Variants in DAPK2 observed in about 807,000 individuals in gnomAD.
DAPK2 encodes the protein death associated protein kinase 2.
Under a neutral mutation model 44.1 loss-of-function variants are expected in DAPK2, and 35 were observed. That is an observed-to-expected ratio of 0.79 (90% confidence interval 0.61 to 1.05). The LOEUF (loss-of-function observed/expected upper bound fraction) is 1.05, where lower values mean the gene tolerates loss of function less well. DAPK2 is among the 50% of genes least tolerant of loss of function. DAPK2 has a pLI of 0.00. For missense variants in DAPK2, 453 were observed against 483.2 expected (o/e 0.94, Z 0.59); for synonymous variants, 174 against 182.6 (o/e 0.95, Z 0.38).
intron 1 of DAPK2, among the ~76,000 whole-genome samples, chr15:64,031,511 G>A (rs1441390494): frequency 1.3e-5 from 2 of 152,204 alleles, no homozygotes; most frequent in African/African-American, 2.4e-5. Context: ...GGGATTACAA[G>A]CGTCAGCCAC....
chr15:63,962,929 G>C (rs1382315062), intron 3 of DAPK2, among the ~76,000 whole-genome samples: 1 of 152,230 alleles, frequency 6.6e-6, no homozygotes, highest in Non-Finnish European at 1.5e-5. Context: ...CTTTTATTCA[G>C]CTATGCCGTG....
At chr15:64,017,600 C>T (rs2079565104) in intron 1 of DAPK2, among the ~76,000 whole-genome samples, 1 of 152,248 alleles carries the variant, frequency 6.6e-6, no homozygotes, top group African/African-American at 2.4e-5. Flanking sequence ...CTTGACTCAA[C>T]TATGATGCTG....
chr15:64,022,406 G>A (rs757996378), intron 1 of DAPK2, among the ~76,000 whole-genome samples: 15 of 152,210 alleles, frequency 9.9e-5, no homozygotes, highest in Admixed American at 6.5e-5. Context: ...CCGGAATTAA[G>A]GCTTGAGCTA....
upstream of DAPK2, among the ~76,000 whole-genome samples, chr15:64,044,588 G>C (rs1319622542): frequency 6.6e-6 from 1 of 152,184 alleles, no homozygotes; most frequent in Non-Finnish European, 1.5e-5. Context: ...CCTCTTCCCA[G>C]GGCTTCTTCT....
At chr15:63,931,886 T>C (rs1468346334) in intron 4 of DAPK2, among the ~76,000 whole-genome samples, 1 of 152,060 alleles carries the variant, frequency 6.6e-6, no homozygotes, top group Non-Finnish European at 1.5e-5. Context: ...AGGTATAGGA[T>C]GGGCGTGGTG....
chr15:64,017,612 C>T (rs935699096), intron 1 of DAPK2, among the ~76,000 whole-genome samples: 1 of 152,234 alleles, frequency 6.6e-6, no homozygotes, highest in African/African-American at 2.4e-5. Context: ...ATGATGCTGC[C>T]TCTTCCTAGC....
intron 1 of DAPK2, among the ~76,000 whole-genome samples, chr15:64,036,309 G>A (rs11637997): frequency 0.53 from 31,674 of 59,796 alleles, 6,621 homozygotes; most frequent in South Asian, 0.67. Context: ...GTGTGTGTGT[G>A]TATATATATG....
At chr15:64,019,118 AG>A (rs2079614156) in intron 1 of DAPK2, among the ~76,000 whole-genome samples, 1 of 152,202 alleles carries the variant, frequency 6.6e-6, no homozygotes, top group Admixed American at 6.5e-5. Context: ...CAAATCCTGA[AG>A]TCTAGTCAAT....
In DAPK2 at chr15:63,930,307, AG is replaced by A. The variant is rs1595731512; in HGVS notation, c.632+99del. The A allele has an allele frequency of 3.7e-5, 42 of 1,150,186 alleles. No individual in the cohort carries two copies. The East Asian group carries it at 9.6e-4, about 26-fold the overall frequency. 71.2% of individuals were successfully genotyped at this position (1,150,186 alleles called of 1,614,324 possible). ...GGCTCTGAACAGTGAGTGTGGAGTA[AG>A]GGGCTTTCATGGTTAAGCGGATGTC... On this transcript the variant is annotated intron_variant, in intron 5 of 10. Coordinates refer to ENST00000261891, the Ensembl canonical transcript of DAPK2.
At chr15:63,947,233 C>T (rs902507738) in intron 3 of DAPK2, among the ~76,000 whole-genome samples, 1 of 152,204 alleles carries the variant, frequency 6.6e-6, no homozygotes, top group Non-Finnish European at 1.5e-5. Context: ...TCTCCCTCCC[C>T]TCCAACACAC....
chr15:63,912,051 C>T lies in DAPK2; in HGVS notation c.948+57G>A. ...GAATGTGCATGGAGACCCTGGAGAG[C>T]CAGAAACCCCGCCCTAGCCCCCACC... On this transcript the variant is annotated intron_variant, in intron 9 of 10. Coordinates refer to ENST00000261891, the Ensembl canonical transcript of DAPK2. This position sits in a 1 kb window ranked among gnomAD's most constrained non-coding sequence, Gnocchi z 4.4. 1 of 1,589,780 alleles carries T rather than the reference C, an allele frequency of 6.3e-7. No individual in the cohort carries two copies. The highest frequency in any genetic ancestry group is 8.6e-7 in the Non-Finnish European group (1 of 1,167,668).
chr15:63,996,297 G>C (rs1266465837), intron 1 of DAPK2, among the ~76,000 whole-genome samples: 1 of 152,120 alleles, frequency 6.6e-6, no homozygotes, highest in Non-Finnish European at 1.5e-5. Flanking sequence ...GTTTTAATTA[G>C]CTGGGCATGG....
At chr15:64,005,612 G>A (rs2079205199) in intron 1 of DAPK2, among the ~76,000 whole-genome samples, 1 of 152,052 alleles carries the variant, frequency 6.6e-6, no homozygotes, top group African/African-American at 2.4e-5. Context: ...CAAATACTGG[G>A]AAACAGATAG....
chr15:63,987,745 T>TCTCTTCA (rs1483947344), intron 1 of DAPK2, among the ~76,000 whole-genome samples: 1 of 152,152 alleles, frequency 6.6e-6, no homozygotes, highest in Non-Finnish European at 1.5e-5. Flanking sequence ...TGAAGCCCTT[T>TCTCTTCA]CTCTTCACTC....
At chr15:63,994,121 TG>T in intron 1 of DAPK2, among the ~76,000 whole-genome samples, 1 of 152,288 alleles carries the variant, frequency 6.6e-6, no homozygotes, top group Non-Finnish European at 1.5e-5. Context: ...AGAAATGACC[TG>T]GGCATTCATC....
intron 4 of DAPK2, among the ~76,000 whole-genome samples, chr15:63,934,441 G>C (rs147571183): frequency 6.6e-6 from 1 of 151,086 alleles, no homozygotes; most frequent in South Asian, 2.1e-4. Context: ...ATTTTTAGTA[G>C]AGATGGGGTT....
chr15:64,002,197 C>G (rs1360241690), intron 1 of DAPK2, among the ~76,000 whole-genome samples: 1 of 152,152 alleles, frequency 6.6e-6, no homozygotes, highest in Non-Finnish European at 1.5e-5. Flanking sequence ...CCTCTGATCC[C>G]CATCTGGTGG....
chr15:63,963,411 G>A (rs543425162), intron 3 of DAPK2, among the ~76,000 whole-genome samples: 35 of 152,336 alleles, frequency 2.3e-4, no homozygotes, highest in African/African-American at 6.7e-4. Context: ...CATCTTCTGC[G>A]TCGCTCACGC....
intron 1 of DAPK2, among the ~76,000 whole-genome samples, chr15:64,000,094 T>A (rs1168855389): frequency 2.6e-5 from 4 of 152,178 alleles, no homozygotes; most frequent in Admixed American, 2.6e-4. Context: ...CTTACATAGA[T>A]GTTTAATGTA....
Sources: gnomAD v4.1 joint callset for allele counts (sites outside exome capture counted in the v4.1 genomes callset) on GRCh38, gnomAD v4.1.1 for gene constraint, Gnocchi (gnomAD v3.1) non-coding constraint, MANE v1.5 for transcripts, NCBI Gene and HGNC (gene_info 2026-07-23, HGNC 2026-07-21) for gene names.